The following NSMCE2 variants were observed in gnomAD, a reference collection of about 807,000 sequenced individuals.
NSMCE2 encodes the protein NSE2 SUMO ligase component of SMC5/6 complex.
In NSMCE2, 24 loss-of-function variants were observed where a neutral mutation model predicts 23.8. The observed-to-expected ratio is 1.01, with a 90% CI of 0.73 to 1.42. The LOEUF is 1.42. Ranked by LOEUF, NSMCE2 falls within the 40% of genes most tolerant of loss-of-function variation. NSMCE2 has a pLI of 0.00. For missense variants in NSMCE2, 284 were observed against 296.5 expected, an observed-to-expected ratio of 0.96 and a Z score of 0.31; for synonymous variants, 92 against 94.1, an observed-to-expected ratio of 0.98 and a Z score of 0.13.
intron 5 of NSMCE2, among the ~76,000 whole-genome samples, chr8:125,249,245 C>T (rs1052248267): frequency 5.7e-4 from 87 of 151,798 alleles, no homozygotes; most frequent in Admixed American, 2.2e-3. Context: ...TATACTGTTT[C>T]GAACATGGTT....
At chr8:125,133,665 A>C (rs1004060847) in intron 3 of NSMCE2, among the ~76,000 whole-genome samples, 1 of 151,852 alleles carries the variant, frequency 6.6e-6, no homozygotes, top group African/African-American at 2.4e-5. Context: ...AATTGCTTGA[A>C]CCTGGGAGGC....
At chr8:125,248,609 C>T (rs1826085846) in intron 5 of NSMCE2, among the ~76,000 whole-genome samples, 1 of 151,844 alleles carries the variant, frequency 6.6e-6, no homozygotes, top group African/African-American at 2.4e-5. Context: ...GCTGAGATCA[C>T]ACCACTGCAC....
intron 5 of NSMCE2, among the ~76,000 whole-genome samples, chr8:125,251,582 T>G (rs1826199311): frequency 6.6e-6 from 1 of 152,180 alleles, no homozygotes; most frequent in Admixed American, 6.5e-5. Flanking sequence ...AAACCTGACA[T>G]TGACTTTTCC....
intron 3 of NSMCE2, among the ~76,000 whole-genome samples, chr8:125,107,165 TG>T (rs763678798): frequency 6.6e-6 from 1 of 151,500 alleles, no homozygotes; most frequent in Non-Finnish European, 1.5e-5. Flanking sequence ...TGTTCTATAT[TG>T]TACTGTTTTA....
At chr8:125,329,292 A>C (rs1178254638) in intron 5 of NSMCE2, among the ~76,000 whole-genome samples, 1 of 152,204 alleles carries the variant, frequency 6.6e-6, no homozygotes, top group Non-Finnish European at 1.5e-5. Context: ...GTTTCAGCCC[A>C]GGTCCTTTCA....
chr8:125,110,786 T>TTTA (rs1818702673), intron 3 of NSMCE2, among the ~76,000 whole-genome samples: 1 of 146,510 alleles, frequency 6.8e-6, no homozygotes, highest in South Asian at 2.1e-4. Flanking sequence ...TTTTTTTTTT[T>TTTA]GAGGATAATG....
chr8:125,333,865 C>T (rs1427195746), intron 5 of NSMCE2, among the ~76,000 whole-genome samples: 1 of 152,102 alleles, frequency 6.6e-6, no homozygotes, highest in Non-Finnish European at 1.5e-5. Context: ...GGCCATTTCC[C>T]AGATGAAGAA....
intron 3 of NSMCE2, among the ~76,000 whole-genome samples, chr8:125,148,102 T>G (rs1456067449): frequency 1.3e-5 from 2 of 152,210 alleles, no homozygotes; most frequent in Non-Finnish European, 2.9e-5. Flanking sequence ...TTCTGGTGTT[T>G]CCTGTTCCCT....
intron 5 of NSMCE2, among the ~76,000 whole-genome samples, chr8:125,259,161 A>G (rs1826571494): frequency 6.6e-6 from 1 of 151,984 alleles, no homozygotes; most frequent in Non-Finnish European, 1.5e-5. Context: ...TCATGCTGGG[A>G]TTACAGGTGT....
chr8:125,161,725 A>AGGCAG (rs57148341), intron 4 of NSMCE2, among the ~76,000 whole-genome samples: 54,931 of 149,992 alleles, frequency 0.37, 13,503 homozygotes, highest in African/African-American at 0.7. Flanking sequence ...TGAACCCAGG[A>AGGCAG]GGGTTGCAGT....
chr8:125,269,002 T>G (rs1827062735), intron 5 of NSMCE2, among the ~76,000 whole-genome samples: 1 of 152,236 alleles, frequency 6.6e-6, no homozygotes, highest in Non-Finnish European at 1.5e-5. Flanking sequence ...ATTCTCTTTT[T>G]TATTCCACAA....
At chr8:125,267,003 C>CTTT (rs35990794) in intron 5 of NSMCE2, among the ~76,000 whole-genome samples, 1,227 of 111,968 alleles carry the variant, frequency 0.011, 43 homozygotes, top group Middle Eastern at 0.025. Flanking sequence ...TTTTTTCTTT[C>CTTT]TTTTTTTTTT....
chr8:125,199,761 A>G (rs895642215), intron 5 of NSMCE2, among the ~76,000 whole-genome samples: 2 of 152,084 alleles, frequency 1.3e-5, no homozygotes, highest in African/African-American at 2.4e-5. Context: ...TATCAGTCTA[A>G]TATTGACAGT....
At chr8:125,358,694 A>T (rs190213783) in intron 7 of NSMCE2, among the ~76,000 whole-genome samples, 1 of 152,074 alleles carries the variant, frequency 6.6e-6, no homozygotes, top group African/African-American at 2.4e-5. Context: ...CTAGTTCTCA[A>T]TTGACTTCTG....
chr8:125,175,343 T>G (rs1822431411), intron 4 of NSMCE2, among the ~76,000 whole-genome samples: 1 of 152,198 alleles, frequency 6.6e-6, no homozygotes, highest in Non-Finnish European at 1.5e-5. Context: ...ATTTCTAGCA[T>G]GAAAGCAGTC....
At chr8:125,176,907 A>G (rs1250229404) in intron 4 of NSMCE2, among the ~76,000 whole-genome samples, 2 of 152,134 alleles carry the variant, frequency 1.3e-5, no homozygotes, top group Non-Finnish European at 2.9e-5. Context: ...ATTGGCCTGC[A>G]CTTATTGTGA....
chr8:125,198,817 TGG>T (rs1433397193), intron 5 of NSMCE2, among the ~76,000 whole-genome samples: 1 of 152,222 alleles, frequency 6.6e-6, no homozygotes, highest in African/African-American at 2.4e-5. Context: ...TGTCTGGTCC[TGG>T]GCTTTTTTTG....
intron 5 of NSMCE2, among the ~76,000 whole-genome samples, chr8:125,257,591 T>C (rs1826494873): frequency 1.5e-5 from 2 of 136,490 alleles, no homozygotes; most frequent in Non-Finnish European, 3.1e-5. Flanking sequence ...TGGAGTGCAG[T>C]GGCGCGATCT....
At chr8:125,252,858 C>T (rs571206907) in intron 5 of NSMCE2, among the ~76,000 whole-genome samples, 1 of 152,366 alleles carries the variant, frequency 6.6e-6, no homozygotes, top group Admixed American at 6.5e-5. Context: ...AGAGCGCAAG[C>T]TCCGGAAAGA....
Sources: allele counts gnomAD v4.1 joint callset (sites outside exome capture counted in the v4.1 genomes callset), GRCh38; gene constraint gnomAD v4.1.1; transcripts MANE v1.5; gene names NCBI Gene and HGNC (gene_info 2026-07-23, HGNC 2026-07-21).